Variants in COL5A2 observed in about 807,000 individuals in gnomAD.
COL5A2 encodes collagen type V alpha 2 chain.
A neutral mutation model predicts 208.2 loss-of-function variants in COL5A2; 23 were observed. The observed-to-expected ratio is 0.11, with a 90% CI of 0.08 to 0.16. The LOEUF (loss-of-function observed/expected upper bound fraction) is 0.16. Among genes scored for constraint, COL5A2 ranks in the 10% least tolerant of loss-of-function variants. COL5A2 has a pLI of 1.00. For missense variants in COL5A2, 1,590 were observed against 1,956.4 expected, an observed-to-expected ratio of 0.81 and a Z score of 3.53; for synonymous variants, 625 against 628.5, an observed-to-expected ratio of 0.99 and a Z score of 0.08.
In COL5A2 at chr2:189,036,810, T is replaced by C. The variant is rs563108145; in HGVS notation, c.3926-7A>G. The C allele has an allele frequency of 1.2e-6, 2 of 1,603,842 alleles. No homozygotes were observed. The highest frequency in any genetic ancestry group is 1.3e-5 in the African/African-American group (1 of 74,824). On this transcript the variant is annotated splice_polypyrimidine_tract_variant and splice_region_variant and intron_variant, in intron 51 of 53. Coordinates refer to ENST00000374866, the MANE Select transcript of COL5A2 (RefSeq NM_000393.5). ...GGATCAATCCAGTATTCACCTATTT[T>C]TCAAAATAGAAATTTTACTAAATAA...
At chr2:189,123,033 T>C (rs1436418204) in intron 1 of COL5A2, among the ~76,000 whole-genome samples, 1 of 152,138 alleles carries the variant, frequency 6.6e-6, no homozygotes, top group Non-Finnish European at 1.5e-5. Flanking sequence ...GGCACAATCT[T>C]GGCTCACCGC....
the COL5A2 span, among the ~76,000 whole-genome samples, chr2:189,361,955 T>A: frequency 1.3e-5 from 2 of 152,164 alleles, no homozygotes; most frequent in African/African-American, 4.8e-5. Context: ...TATATCATTT[T>A]ATGTTGCCTA....
At chr2:189,147,343 G>A (rs1292581158) in intron 1 of COL5A2, among the ~76,000 whole-genome samples, 1 of 152,096 alleles carries the variant, frequency 6.6e-6, no homozygotes, top group African/African-American at 2.4e-5. Flanking sequence ...AAGCAAACCA[G>A]AAAAGACAAG....
chr2:189,162,643 T>G (rs1374049769), intron 1 of COL5A2, among the ~76,000 whole-genome samples: 1 of 152,180 alleles, frequency 6.6e-6, no homozygotes, highest in East Asian at 1.9e-4. Flanking sequence ...TAAACATACA[T>G]GTGAGTATTT....
chr2:189,237,086 TTGAG>T, the COL5A2 span, among the ~76,000 whole-genome samples: 1 of 151,732 alleles, frequency 6.6e-6, no homozygotes, highest in African/African-American at 2.4e-5. Context: ...TGGCTCACAA[TTGAG>T]TATTACTATT....
the COL5A2 span, among the ~76,000 whole-genome samples, chr2:189,436,119 T>C: frequency 1.1e-4 from 16 of 152,118 alleles, no homozygotes; most frequent in South Asian, 2.1e-4. Context: ...TAGGTGGGAA[T>C]TGAACAATGA....
chr2:189,129,536 T>C (rs1487522603), intron 1 of COL5A2, among the ~76,000 whole-genome samples: 2 of 152,086 alleles, frequency 1.3e-5, no homozygotes, highest in Non-Finnish European at 1.5e-5. Flanking sequence ...TTTTTTCTCA[T>C]CTTTTAAAAT....
chr2:189,370,615 A>G, the COL5A2 span, among the ~76,000 whole-genome samples: 2 of 152,166 alleles, frequency 1.3e-5, no homozygotes, highest in East Asian at 1.9e-4. Context: ...ACCACATACA[A>G]TCATACTCAA....
At chr2:189,224,951 GACACAGCAGGC>G (rs899119981) in intron 1 of COL5A2, among the ~76,000 whole-genome samples, 9 of 152,018 alleles carry the variant, frequency 5.9e-5, no homozygotes, top group Non-Finnish European at 1.0e-4. Context: ...ACAGACAAGA[GACACAGCAGGC>G]ATGTCACGAA....
At chr2:189,178,703 T>C (rs542137719) in intron 1 of COL5A2, among the ~76,000 whole-genome samples, 1 of 114,632 alleles carries the variant, frequency 8.7e-6, no homozygotes, top group South Asian at 3.4e-4. Flanking sequence ...AGGCAAGATT[T>C]ATCTTTAAAA....
chr2:189,053,070 T>C, intron 38 of COL5A2, 52 bp from the exon 39 acceptor site: 1 of 1,344,486 alleles, frequency 7.4e-7, no homozygotes, highest in South Asian at 1.2e-5. Context: ...ATAGACAAAT[T>C]ACTTTAGAGT....
the COL5A2 span, among the ~76,000 whole-genome samples, chr2:189,359,492 G>A: frequency 1.1e-4 from 17 of 151,934 alleles, no homozygotes; most frequent in African/African-American, 2.2e-4. Flanking sequence ...GTTGATTTTC[G>A]CATTTCTGCT....
At chr2:189,078,320 G>C (rs1253479214) in intron 16 of COL5A2, among the ~76,000 whole-genome samples, 196 bp downstream of exon 16, 1 of 151,736 alleles carries the variant, frequency 6.6e-6, no homozygotes, top group Non-Finnish European at 1.5e-5. Context: ...TTAAAGCAAA[G>C]GGAAGGTTGT....
intron 1 of COL5A2, among the ~76,000 whole-genome samples, chr2:189,157,625 T>C (rs1688280376): frequency 6.6e-6 from 1 of 151,940 alleles, no homozygotes; most frequent in South Asian, 2.1e-4. Flanking sequence ...CACATACCAG[T>C]AAAAGGAAGA....
chr2:189,246,823 T>G, the COL5A2 span, among the ~76,000 whole-genome samples: 13 of 152,308 alleles, frequency 8.5e-5, no homozygotes, highest in Admixed American at 8.5e-4. Flanking sequence ...GGAAAACTGG[T>G]GGTTGAAGAC....
chr2:189,335,415 T>C, the COL5A2 span, among the ~76,000 whole-genome samples: 1 of 151,906 alleles, frequency 6.6e-6, no homozygotes, highest in South Asian at 2.1e-4. Flanking sequence ...TCAAAAAAAG[T>C]GAAAAACAGA....
At chr2:189,037,950 T>C (rs775893005) in intron 51 of COL5A2, among the ~76,000 whole-genome samples, 1 of 152,222 alleles carries the variant, frequency 6.6e-6, no homozygotes, top group Non-Finnish European at 1.5e-5. Flanking sequence ...ATCAATATTT[T>C]AAGATTTCTG....
chr2:189,372,760 T>C, the COL5A2 span, among the ~76,000 whole-genome samples: 1 of 152,182 alleles, frequency 6.6e-6, no homozygotes, highest in Non-Finnish European at 1.5e-5. Flanking sequence ...AATACAGTCA[T>C]TATAAAGTGG....
upstream of COL5A2, among the ~76,000 whole-genome samples, chr2:189,183,858 CAG>C: frequency 6.6e-6 from 1 of 152,270 alleles, no homozygotes. Flanking sequence ...CCGGAGGAAA[CAG>C]ATTTTCCCAG....
Sources: allele counts gnomAD v4.1 joint callset (sites outside exome capture counted in the v4.1 genomes callset), GRCh38; gene constraint gnomAD v4.1.1; transcripts MANE v1.5; gene names NCBI Gene and HGNC (gene_info 2026-07-23, HGNC 2026-07-21).